Variants in TENM1 observed in about 807,000 individuals in gnomAD.
TENM1 encodes the protein teneurin transmembrane protein 1.
In TENM1, 35 loss-of-function variants were observed where a neutral mutation model predicts 174.8. That is an observed-to-expected ratio of 0.20 (90% CI 0.15 to 0.27). The LOEUF (loss-of-function observed/expected upper bound fraction) is 0.27. TENM1 is among the 10% of genes least tolerant of loss of function. TENM1 has a pLI of 1.00. For synonymous variants in TENM1, 781 were observed against 798.7 expected (o/e 0.98, Z 0.37); for missense variants, 1,633 against 2,130.1 (o/e 0.77, Z 4.59).
At chrX:124,758,859 T>C (rs2054334881) in intron 3 of TENM1, among the ~76,000 whole-genome samples, 1 of 111,484 alleles carries the variant, frequency 9.0e-6, no homozygotes, top group Non-Finnish European at 1.9e-5. Flanking sequence ...GTACTAATAG[T>C]GATTTCCAGG....
In TENM1 at chrX:124,876,548, C is replaced by CA. The variant is rs58299313; in HGVS notation, c.535+17747dup. Among the ~76,000 whole-genome samples, 347 of 110,665 alleles carry CA rather than the reference C, an allele frequency of 3.1e-3. 1 individual carries two copies. The highest frequency in any genetic ancestry group is 0.011 in the African/African-American group (328 of 30,461). On this transcript the variant is annotated intron_variant, in intron 3 of 31. Coordinates refer to ENST00000422452, the Ensembl canonical transcript of TENM1. ...TTTAGATATCAATTTTTTTTGCTTC[C>CA]AAAAAAATCTTTAAAAGATTTGGAA...
rs1225643987 is a variant in TENM1 at position 124,766,948 on chromosome X, T to C, written c.536-29751A>G. Among the ~76,000 whole-genome samples, 3 of 111,960 alleles carry C rather than the reference T, an allele frequency of 2.7e-5. No homozygotes were observed. The East Asian group carries it at 8.3e-4, about 31-fold the overall frequency. ...CTTATTAACAGCTTATTTAATTATA[T>C]GTATTACCAATGAATAATCAAAATG... On this transcript the variant is annotated intron_variant, in intron 3 of 31. Transcript: ENST00000422452.
intron 18 of TENM1, among the ~76,000 whole-genome samples, chrX:124,503,932 A>G (rs755413688): frequency 8.9e-6 from 1 of 111,791 alleles, no homozygotes; most frequent in Non-Finnish European, 1.9e-5. Context: ...GAGTGAGTAA[A>G]TAAATGCTCT....
At chrX:124,463,427 C>T (rs1481472022) in intron 22 of TENM1, among the ~76,000 whole-genome samples, 1 of 111,673 alleles carries the variant, frequency 9.0e-6, no homozygotes, top group Non-Finnish European at 1.9e-5. Context: ...CTGACAGTGA[C>T]TTTTCTAAGC....
At chrX:124,624,979 C>G (rs1380036696) in intron 11 of TENM1, among the ~76,000 whole-genome samples, 1 of 111,625 alleles carries the variant, frequency 9.0e-6, no homozygotes, top group Non-Finnish European at 1.9e-5. Context: ...AGCACCTTTT[C>G]CTAAAGTATA....
At chrX:124,951,668 A>ATG (rs2058489350) in intron 1 of TENM1, among the ~76,000 whole-genome samples, 4 of 65,230 alleles carry the variant, frequency 6.1e-5, no homozygotes, top group Non-Finnish European at 1.2e-4. Context: ...ATATATATAT[A>ATG]TATATAACAA....
intron 1 of TENM1, among the ~76,000 whole-genome samples, chrX:124,929,325 G>T (rs2058135777): frequency 9.0e-6 from 1 of 111,593 alleles, no homozygotes; most frequent in African/African-American, 3.3e-5. Context: ...GAGTCTGAGG[G>T]GATTGTTTAT....
chrX:124,883,329 A>G (rs2057332599), intron 3 of TENM1, among the ~76,000 whole-genome samples: 1 of 112,085 alleles, frequency 8.9e-6, no homozygotes, highest in Admixed American at 9.5e-5. Context: ...AGCTGTAAAC[A>G]ACATCAGTAG....
chrX:124,443,328 G>A (rs1368501814), intron 23 of TENM1, among the ~76,000 whole-genome samples: 1 of 111,032 alleles, frequency 9.0e-6, no homozygotes, highest in Non-Finnish European at 1.9e-5. Context: ...AGGTGGTATA[G>A]TACTGATGGA....
chrX:124,828,141 G>A (rs1272954076), intron 3 of TENM1, among the ~76,000 whole-genome samples: 2 of 111,525 alleles, frequency 1.8e-5, no homozygotes, highest in Admixed American at 1.9e-4. Flanking sequence ...TTTAAAAACA[G>A]GTTTTAACAA....
intron 11 of TENM1, among the ~76,000 whole-genome samples, chrX:124,639,838 A>G (rs2050967986): frequency 9.0e-6 from 1 of 111,649 alleles, no homozygotes; most frequent in Middle Eastern, 4.2e-3. Flanking sequence ...GATGGAAAGT[A>G]TTCAGTAACA....
chrX:124,942,727 T>C (rs2058349001), intron 1 of TENM1, among the ~76,000 whole-genome samples: 1 of 111,788 alleles, frequency 8.9e-6, no homozygotes, highest in African/African-American at 3.2e-5. Flanking sequence ...TTCATGTATA[T>C]CATGCTCAAT....
chrX:124,399,141 G>A (rs2060371101), intron 27 of TENM1, among the ~76,000 whole-genome samples: 1 of 111,939 alleles, frequency 8.9e-6, no homozygotes, highest in African/African-American at 3.2e-5. Context: ...TAGGAAATGG[G>A]CTTTTGAGCC....
At position 124,897,425 on chromosome X, in the gene TENM1, TA is replaced by T. The variant is rs769947261; in HGVS notation, c.218-1185del. On this transcript the variant is annotated intron_variant, in intron 1 of 31. Coordinates refer to ENST00000422452, the Ensembl canonical transcript of TENM1. ...GCATCTAATCCTTAGCACATATCAA[TA>T]AAATGCAAACTCTAACATGAATTTA... Among the ~76,000 whole-genome samples the T allele has an allele frequency of 2.1e-4, 23 of 111,563 alleles. No individual in the cohort carries two copies. In the South Asian group the frequency reaches 8.6e-3, roughly 42 times the overall value.
intron 19 of TENM1, among the ~76,000 whole-genome samples, chrX:124,498,173 C>T (rs2047243830): frequency 9.0e-6 from 1 of 111,619 alleles, no homozygotes; most frequent in Non-Finnish European, 1.9e-5. Context: ...ATCTGGACAT[C>T]ACCATGGCTC....
At chrX:124,869,578 T>A (rs982382719) in intron 3 of TENM1, among the ~76,000 whole-genome samples, 1 of 111,236 alleles carries the variant, frequency 9.0e-6, no homozygotes, top group African/African-American at 3.3e-5. Flanking sequence ...AACCTAAGCG[T>A]CTATCAACTG....
chrX:124,877,109 T>C (rs920197283), intron 3 of TENM1, among the ~76,000 whole-genome samples: 6 of 112,150 alleles, frequency 5.3e-5, no homozygotes, highest in Non-Finnish European at 7.5e-5. Context: ...GTTAAAAAAT[T>C]ATAATTATTT....
chrX:124,385,712 T>C, exon 29 of TENM1: 2 of 1,202,591 alleles, frequency 1.7e-6, no homozygotes, highest in Non-Finnish European at 2.3e-6. Flanking sequence ...GATGAATCCG[T>C]CATGCATCAG....
At chrX:124,387,957 T>C (rs1265902915) in intron 28 of TENM1, among the ~76,000 whole-genome samples, 2 of 112,238 alleles carry the variant, frequency 1.8e-5, no homozygotes, top group African/African-American at 6.5e-5. Context: ...ACTGCCTCCC[T>C]GGACCAAGGC....
Sources: gnomAD v4.1 joint callset for allele counts (sites outside exome capture counted in the v4.1 genomes callset) on GRCh38, gnomAD v4.1.1 for gene constraint, MANE v1.5 for transcripts, NCBI Gene and HGNC (gene_info 2026-07-23, HGNC 2026-07-21) for gene names.